Variants in CPLX2 observed in about 807,000 individuals in gnomAD.
CPLX2 encodes the protein complexin-2.
A neutral mutation model predicts 16.3 loss-of-function variants in CPLX2; 5 were observed. The observed-to-expected ratio is 0.31, with a 90% CI of 0.16 to 0.64. The LOEUF is 0.64. Among genes scored for constraint, CPLX2 ranks in the 30% least tolerant of loss-of-function variants. The pLI, the probability that CPLX2 is intolerant of heterozygous loss-of-function variation, is 0.79. For missense variants in CPLX2, 144 were observed against 181.4 expected (o/e 0.79, Z 1.18); for synonymous variants, 89 against 73.2 (o/e 1.22, Z -1.10).
intron 2 of CPLX2, among the ~76,000 whole-genome samples, chr5:175,863,763 C>T (rs983119182): frequency 2.6e-5 from 4 of 152,166 alleles, no homozygotes; most frequent in African/African-American, 9.7e-5. Context: ...AAAATTCCTC[C>T]TGTTCTTGGG....
intron 1 of CPLX2, among the ~76,000 whole-genome samples, chr5:175,808,273 A>T (rs1340894440): frequency 6.6e-6 from 1 of 152,140 alleles, no homozygotes; most frequent in African/African-American, 2.4e-5. Context: ...ACTCATCCTA[A>T]ATATGTGATA....
chr5:175,841,722 C>T (rs1758948410), intron 2 of CPLX2, among the ~76,000 whole-genome samples: 1 of 152,132 alleles, frequency 6.6e-6, no homozygotes, highest in Admixed American at 6.5e-5. Flanking sequence ...CCTTCTTTGC[C>T]TTAGATCAGA....
chr5:175,836,693 G>A (rs1291251019), intron 2 of CPLX2, among the ~76,000 whole-genome samples: 4 of 152,226 alleles, frequency 2.6e-5, no homozygotes, highest in Admixed American at 6.5e-5. Flanking sequence ...TAAGCATTCC[G>A]TCTTCAACTA....
At chr5:175,829,048 C>T (rs1316325296) in intron 2 of CPLX2, among the ~76,000 whole-genome samples, 1 of 152,174 alleles carries the variant, frequency 6.6e-6, no homozygotes, top group African/African-American at 2.4e-5. Context: ...CATTATTGGC[C>T]CTCAATCCAC....
chr5:175,846,986 T>A (rs1272645349), intron 2 of CPLX2, among the ~76,000 whole-genome samples: 1 of 152,086 alleles, frequency 6.6e-6, no homozygotes, highest in Non-Finnish European at 1.5e-5. Context: ...GGCCTCCTCA[T>A]ATGTAGTGCA....
chr5:175,871,435 GAGAGA>G (rs1759600507), upstream of CPLX2: 1 of 52,854 alleles, frequency 1.9e-5, no homozygotes, highest in Admixed American at 1.3e-4. Flanking sequence ...GAGAGAGACA[GAGAGA>G]GAGAGAGAGA....
chr5:175,802,012 A>T (rs1581064551), intron 1 of CPLX2, among the ~76,000 whole-genome samples: 1 of 152,216 alleles, frequency 6.6e-6, no homozygotes, highest in South Asian at 2.1e-4. Context: ...CAGCTCCTCC[A>T]CTGAGTTAAC....
At chr5:175,813,689 T>TG (rs1758354170) in intron 2 of CPLX2, among the ~76,000 whole-genome samples, 1 of 152,236 alleles carries the variant, frequency 6.6e-6, no homozygotes, top group Non-Finnish European at 1.5e-5. Flanking sequence ...TCCCACAAAG[T>TG]GGGCACAGAC....
chr5:175,877,298 G>A (rs1000884946), intron 1 of CPLX2, among the ~76,000 whole-genome samples: 2 of 149,628 alleles, frequency 1.3e-5, no homozygotes, highest in South Asian at 2.1e-4. Context: ...GTCTGATCAC[G>A]TAGATAAGCT....
rs143439123 is a variant in CPLX2, at chr5:175,836,955, T to G, written c.-89+27887T>G. Among the ~76,000 whole-genome samples the G allele has an allele frequency of 2.9e-3, 440 of 152,356 alleles. 3 individuals are homozygous for G. Among genetic ancestry groups the G allele is most frequent in the African/African-American group, 0.01 (417 of 41,574 alleles). On this transcript the variant is annotated intron_variant, in intron 2 of 4. Transcript: ENST00000359546. ...GCCGAAGCTGTGTTCAGTTCAGAGCTGCAAGATGCCACATCCCAGGGCAGT... is the reference window on the plus strand; with the variant it reads ...GCCGAAGCTGTGTTCAGTTCAGAGCGGCAAGATGCCACATCCCAGGGCAGT...
chr5:175,836,649 G>A (rs147732714), intron 2 of CPLX2, among the ~76,000 whole-genome samples: 2 of 152,318 alleles, frequency 1.3e-5, no homozygotes, highest in African/African-American at 4.8e-5. Flanking sequence ...CAGAATTGAG[G>A]TTCAGCCAGG....
Position 175,849,304 on chromosome 5 carries a change from G to A in CPLX2, c.-88-29348G>A, listed in dbSNP as rs1759108568. Among the ~76,000 whole-genome samples, 1 of 152,184 alleles carries A rather than the reference G, an allele frequency of 6.6e-6. No homozygotes were observed. On this transcript the variant is annotated intron_variant, in intron 2 of 4. Coordinates refer to the CPLX2 transcript ENST00000359546. This position sits in a 1 kb window ranked among gnomAD's most constrained non-coding sequence, Gnocchi z 4.4. ...CCCTTGGGTGAGGACAGGGTAGTGT[G>A]CTCTCTGATTCCAAAGGGACACCTG...
At chr5:175,842,433 G>A (rs1758961849) in intron 2 of CPLX2, among the ~76,000 whole-genome samples, 1 of 152,220 alleles carries the variant, frequency 6.6e-6, no homozygotes, top group Non-Finnish European at 1.5e-5. Flanking sequence ...AGATCAGGGT[G>A]AAGCCTGACT....
At chr5:175,827,572 T>C (rs1758641752) in intron 2 of CPLX2, among the ~76,000 whole-genome samples, 1 of 152,142 alleles carries the variant, frequency 6.6e-6, no homozygotes, top group Non-Finnish European at 1.5e-5. Flanking sequence ...CTAGCCAATA[T>C]GGCAAAACCC....
At chr5:175,870,517 C>T (rs1263654098), upstream of CPLX2, among the ~76,000 whole-genome samples, 1 of 152,158 alleles carries the variant, frequency 6.6e-6, no homozygotes, top group African/African-American at 2.4e-5. Flanking sequence ...TTGTGCAAGG[C>T]CCCTCCTCTC....
intron 1 of CPLX2, among the ~76,000 whole-genome samples, chr5:175,874,869 G>A (rs1396712802): frequency 1.3e-5 from 2 of 151,182 alleles, no homozygotes; most frequent in African/African-American, 4.9e-5. Flanking sequence ...AAGGAAAGGA[G>A]TCAGCAAAGA....
intron 1 of CPLX2, among the ~76,000 whole-genome samples, chr5:175,876,844 G>C (rs532900373): frequency 1.3e-5 from 2 of 152,296 alleles, no homozygotes; most frequent in African/African-American, 4.8e-5. Flanking sequence ...TAGAAATGAA[G>C]TTTTTTCACA....
At chr5:175,802,574 A>G (rs1377282483) in intron 1 of CPLX2, among the ~76,000 whole-genome samples, 1 of 152,192 alleles carries the variant, frequency 6.6e-6, no homozygotes, top group Non-Finnish European at 1.5e-5. Flanking sequence ...TTCAAGCAGC[A>G]AATGGCAAAA....
At chr5:175,810,798 C>T (rs762203595) in intron 2 of CPLX2, among the ~76,000 whole-genome samples, 3 of 152,178 alleles carry the variant, frequency 2.0e-5, no homozygotes, top group Admixed American at 6.5e-5. Context: ...GTGAAAGTCT[C>T]GCTTTATCTC....
Sources: gnomAD v4.1 joint callset for allele counts (sites outside exome capture counted in the v4.1 genomes callset) on GRCh38, gnomAD v4.1.1 for gene constraint, Gnocchi (gnomAD v3.1) non-coding constraint, MANE v1.5 for transcripts, NCBI Gene and HGNC (gene_info 2026-07-23, HGNC 2026-07-21) for gene names.